Variants in MAGI2 observed in about 807,000 individuals in gnomAD.
The protein encoded by MAGI2 is membrane associated guanylate kinase, WW and PDZ domain containing 2.
Under a neutral mutation model 133.3 loss-of-function variants are expected in MAGI2, and 35 were observed. The observed-to-expected ratio is 0.26, with a 90% CI of 0.20 to 0.35. The LOEUF (loss-of-function observed/expected upper bound fraction) is 0.35. MAGI2 is among the 10% of genes least tolerant of loss of function. MAGI2 has a pLI of 1.00. For synonymous variants in MAGI2, 729 were observed against 710.6 expected (o/e 1.03, Z -0.41); for missense variants, 1,636 against 1,863.4 (o/e 0.88, Z 2.25).
At chr7:78,471,632 T>TAATAGTAGG (rs1791210001) in intron 6 of MAGI2, among the ~76,000 whole-genome samples, 1 of 152,032 alleles carries the variant, frequency 6.6e-6, no homozygotes, top group Middle Eastern at 3.2e-3. Context: ...GTTTACTTAA[T>TAATAGTAGG]AATAGTAGGA....
intron 2 of MAGI2, among the ~76,000 whole-genome samples, chr7:78,683,895 C>A (rs1416167925): frequency 1.3e-5 from 2 of 152,162 alleles, no homozygotes; most frequent in African/African-American, 4.8e-5. Flanking sequence ...CAGTTTTTGC[C>A]TGGCTCTTGT....
At chr7:78,747,610 GA>G (rs1287350514) in intron 2 of MAGI2, among the ~76,000 whole-genome samples, 1 of 152,166 alleles carries the variant, frequency 6.6e-6, no homozygotes, top group Non-Finnish European at 1.5e-5. Context: ...GTAAGTTTAA[GA>G]ATCAAGGGAG....
intron 21 of MAGI2, among the ~76,000 whole-genome samples, chr7:78,038,065 C>T (rs1397701070): frequency 2.6e-5 from 4 of 152,170 alleles, no homozygotes; most frequent in Admixed American, 6.5e-5. Context: ...GTTCCTTCTT[C>T]GTTTCTTTTA....
intron 2 of MAGI2, among the ~76,000 whole-genome samples, chr7:78,751,984 A>G (rs1823497776): frequency 2.0e-5 from 3 of 152,220 alleles, no homozygotes; most frequent in African/African-American, 7.2e-5. Context: ...TAACCCTTCA[A>G]TCAAAGATCA....
intron 2 of MAGI2, among the ~76,000 whole-genome samples, chr7:78,984,469 C>T (rs777829150): frequency 1.5e-4 from 23 of 151,844 alleles, no homozygotes; most frequent in African/African-American, 2.2e-4. Flanking sequence ...CCTTCCTTCC[C>T]ATTAATTTTA....
At chr7:78,029,037 A>C (rs1584880633) in intron 21 of MAGI2, among the ~76,000 whole-genome samples, 1 of 152,248 alleles carries the variant, frequency 6.6e-6, no homozygotes. Context: ...TAACCTTATT[A>C]ATATAACCTT....
At chr7:78,903,554 A>G (rs538499061) in intron 2 of MAGI2, among the ~76,000 whole-genome samples, 1 of 152,184 alleles carries the variant, frequency 6.6e-6, no homozygotes, top group Non-Finnish European at 1.5e-5. Context: ...TCACTGGAAC[A>G]CAATGGTAGT....
chr7:78,405,553 G>A (rs924186474), intron 6 of MAGI2, among the ~76,000 whole-genome samples: 2 of 151,984 alleles, frequency 1.3e-5, no homozygotes, highest in African/African-American at 4.8e-5. Flanking sequence ...CATGTGTCAA[G>A]AGCAGTTACG....
At chr7:78,636,240 A>AACCTCAGT (rs1809622827) in intron 2 of MAGI2, among the ~76,000 whole-genome samples, 1 of 152,152 alleles carries the variant, frequency 6.6e-6, no homozygotes, top group Non-Finnish European at 1.5e-5. Context: ...TGTTGCTTTA[A>AACCTCAGT]ACCTCAGTAA....
At chr7:79,449,671 A>G (rs1414861600) in intron 1 of MAGI2, among the ~76,000 whole-genome samples, 1 of 152,022 alleles carries the variant, frequency 6.6e-6, no homozygotes. Flanking sequence ...TTTGGTGAGG[A>G]AAGTTTATTA....
intron 1 of MAGI2, among the ~76,000 whole-genome samples, chr7:79,319,385 C>G (rs1453311296): frequency 6.6e-6 from 1 of 152,108 alleles, no homozygotes; most frequent in Non-Finnish European, 1.5e-5. Context: ...TTTACTTCTT[C>G]TTTAGTAATA....
rs144314481 is a variant in MAGI2, at chr7:78,190,903, C to A, written c.2269+3971G>T. Among the ~76,000 whole-genome samples, 792 of 152,266 alleles carry A rather than the reference C, an allele frequency of 5.2e-3. 11 individuals are homozygous for A. The highest frequency in any genetic ancestry group is 0.011 in the African/African-American group (457 of 41,558). On this transcript the variant is annotated intron_variant, in intron 12 of 21. Transcript: ENST00000354212. ...GTAAAACATAGCACGGCTTGTCCCA[C>A]TATGGAAAGGTATTTTCTTTTGTTT... is the stretch of plus-strand genomic sequence containing the variant.
At chr7:78,794,489 A>G (rs1326311180) in intron 2 of MAGI2, among the ~76,000 whole-genome samples, 1 of 152,184 alleles carries the variant, frequency 6.6e-6, no homozygotes, top group Non-Finnish European at 1.5e-5. Flanking sequence ...TCTTTGGTAA[A>G]TGAAAAATGC....
chr7:78,244,909 C>T (rs1791597620), intron 10 of MAGI2, among the ~76,000 whole-genome samples: 1 of 152,080 alleles, frequency 6.6e-6, no homozygotes, highest in South Asian at 2.1e-4. Context: ...GGGGTATTTC[C>T]TTAGCATGGC....
At chr7:78,573,033 A>G (rs547010138) in intron 3 of MAGI2, among the ~76,000 whole-genome samples, 14 of 48,230 alleles carry the variant, frequency 2.9e-4, no homozygotes, top group African/African-American at 7.1e-4. Context: ...ATGCATATGT[A>G]TGTATATATA....
intron 2 of MAGI2, among the ~76,000 whole-genome samples, chr7:78,834,741 C>T (rs1002201003): frequency 8.5e-5 from 13 of 152,068 alleles, no homozygotes; most frequent in Admixed American, 7.9e-4. Context: ...AAATGTAATC[C>T]GCAATGTTGG....
chr7:79,073,645 G>A (rs1789536024), intron 1 of MAGI2, among the ~76,000 whole-genome samples: 1 of 151,778 alleles, frequency 6.6e-6, no homozygotes, highest in African/African-American at 2.4e-5. Context: ...ATACTGCAGG[G>A]AGTCTTTTAA....
chr7:78,774,542 T>C (rs1825834046), intron 2 of MAGI2, among the ~76,000 whole-genome samples: 1 of 152,156 alleles, frequency 6.6e-6, no homozygotes, highest in Non-Finnish European at 1.5e-5. Context: ...TGCTGTCATC[T>C]CCAGGGCCAT....
chr7:78,059,595 G>C (rs73362610), intron 21 of MAGI2, among the ~76,000 whole-genome samples: 2,831 of 152,048 alleles, frequency 0.019, 78 homozygotes, highest in African/African-American at 0.065. Flanking sequence ...GCTCCTTAAG[G>C]GTATCTCAAG....
Sources: gnomAD v4.1 joint callset for allele counts (sites outside exome capture counted in the v4.1 genomes callset) on GRCh38, gnomAD v4.1.1 for gene constraint, MANE v1.5 for transcripts, NCBI Gene and HGNC (gene_info 2026-07-23, HGNC 2026-07-21) for gene names.